Variants in GRID2 observed in about 807,000 individuals in gnomAD.
GRID2 encodes glutamate ionotropic receptor delta type subunit 2, also known as glutamate receptor ionotropic, delta-2.
A neutral mutation model predicts 114.8 loss-of-function variants in GRID2; 33 were observed. That is an observed-to-expected ratio of 0.29 (90% CI 0.22 to 0.38). The LOEUF is 0.38. GRID2 is among the 10% of genes least tolerant of loss of function. The pLI is 1.00. For missense variants in GRID2, 1,184 were observed against 1,257.7 expected, an observed-to-expected ratio of 0.94 and a Z score of 0.89; for synonymous variants, 505 against 449.9, an observed-to-expected ratio of 1.12 and a Z score of -1.55.
intron 4 of GRID2, among the ~76,000 whole-genome samples, chr4:93,126,584 CTTTTTTTTTTTTTTTTTTT>C (rs60017147): frequency 1.9e-5 from 1 of 52,734 alleles, no homozygotes; most frequent in African/African-American, 7.9e-5. Flanking sequence ...CTATTTAATT[CTTTTTTTTTTTTTTTTTTT>C]TTTTTTTTTT....
At chr4:93,481,488 A>G (rs1455335683) in intron 11 of GRID2, among the ~76,000 whole-genome samples, 1 of 152,054 alleles carries the variant, frequency 6.6e-6, no homozygotes, top group Non-Finnish European at 1.5e-5. Flanking sequence ...AGATATTAAA[A>G]TTTTACCTTA....
chr4:93,507,207 T>C (rs1728719084), intron 12 of GRID2, among the ~76,000 whole-genome samples: 1 of 152,160 alleles, frequency 6.6e-6, no homozygotes, highest in Non-Finnish European at 1.5e-5. Flanking sequence ...AGGAGTCCTT[T>C]TTATCCCACC....
rs141677578 is a variant in GRID2, at chr4:92,373,870, T to G, written c.88+69126T>G. Among the ~76,000 whole-genome samples the G allele has an allele frequency of 8.4e-4, 128 of 152,186 alleles. 1 individual carries two copies. Among genetic ancestry groups the G allele is most frequent in the African/African-American group, 2.9e-3 (120 of 41,550 alleles). ...TTTTATAAATGAGAAAATGAAGGAATAGGGAAATTAGGTGACATACAAAGG... is the reference window on the plus strand; with the variant it reads ...TTTTATAAATGAGAAAATGAAGGAAGAGGGAAATTAGGTGACATACAAAGG... On this transcript the variant is annotated intron_variant, in intron 1 of 15. Transcript: ENST00000282020.
intron 1 of GRID2, among the ~76,000 whole-genome samples, chr4:93,806,091 C>T (rs1250021302): frequency 2.0e-5 from 3 of 151,348 alleles, no homozygotes; most frequent in African/African-American, 7.3e-5. Flanking sequence ...AGCAAGACTC[C>T]AGAAAAATAA....
At chr4:93,355,199 A>G (rs1273525281) in intron 8 of GRID2, among the ~76,000 whole-genome samples, 1 of 151,658 alleles carries the variant, frequency 6.6e-6, no homozygotes, top group African/African-American at 2.4e-5. Context: ...CCACCCCAAC[A>G]CTTGGTGGTT....
At chr4:92,434,923 T>G (rs1274792582) in intron 1 of GRID2, among the ~76,000 whole-genome samples, 1 of 152,170 alleles carries the variant, frequency 6.6e-6, no homozygotes, top group Non-Finnish European at 1.5e-5. Flanking sequence ...GAAGATTACT[T>G]GCTGTCGTTG....
intron 8 of GRID2, among the ~76,000 whole-genome samples, chr4:93,386,211 C>T (rs999136783): frequency 3.3e-5 from 5 of 152,190 alleles, no homozygotes; most frequent in Non-Finnish European, 5.9e-5. Flanking sequence ...TAGAGCTACA[C>T]TGCCTGTGTT....
intron 2 of GRID2, among the ~76,000 whole-genome samples, chr4:92,837,978 G>A (rs1324525837): frequency 6.6e-6 from 1 of 151,944 alleles, no homozygotes; most frequent in Non-Finnish European, 1.5e-5. Context: ...CAGTAACCAA[G>A]CATTCAATTA....
intron 2 of GRID2, among the ~76,000 whole-genome samples, chr4:92,829,694 A>G (rs140948192): frequency 4.9e-4 from 75 of 152,282 alleles, no homozygotes; most frequent in African/African-American, 1.7e-3. Flanking sequence ...AATGCCCATC[A>G]ATGATAGACT....
Position 92,725,753 on chromosome 4 carries a change from T to A in GRID2, c.244+135467T>A, listed in dbSNP as rs942597467. On this transcript the variant is annotated intron_variant, in intron 2 of 15. Coordinates refer to ENST00000282020, the MANE Select transcript of GRID2 (RefSeq NM_001510.4). ...AAAGTGAGTTCATGACAAAGATAGC[T>A]GTGCTCAAATGCTGAAAGCTTTAAA... 2.0e-5 allele frequency among the ~76,000 whole-genome samples: 3 copies of A among 152,290 alleles called. No homozygotes were observed. The South Asian group carries it at 6.2e-4, about 32-fold the overall frequency.
At chr4:93,207,908 A>G (rs539690161) in intron 5 of GRID2, among the ~76,000 whole-genome samples, 1 of 152,112 alleles carries the variant, frequency 6.6e-6, no homozygotes, top group African/African-American at 2.4e-5. Context: ...CCCTTTTCAT[A>G]AGGAAGTACA....
At chr4:93,611,823 T>G (rs1248119848) in intron 13 of GRID2, among the ~76,000 whole-genome samples, 3 of 151,776 alleles carry the variant, frequency 2.0e-5, no homozygotes, top group Middle Eastern at 6.8e-3. Flanking sequence ...TGTAGATGTC[T>G]ATTAGGTCCC....
At chr4:92,530,799 C>T (rs1353024107) in intron 1 of GRID2, among the ~76,000 whole-genome samples, 1 of 150,444 alleles carries the variant, frequency 6.6e-6, no homozygotes, top group African/African-American at 2.4e-5. Context: ...CCCAACTACT[C>T]AGGAGGCTGA....
intron 14 of GRID2, among the ~76,000 whole-genome samples, chr4:93,638,256 T>C (rs1317512183): frequency 6.6e-6 from 1 of 151,794 alleles, no homozygotes; most frequent in Non-Finnish European, 1.5e-5. Flanking sequence ...AACATGTTTT[T>C]ATTTTGTATG....
intron 2 of GRID2, among the ~76,000 whole-genome samples, chr4:92,745,227 T>A (rs1578135312): frequency 6.6e-6 from 1 of 152,330 alleles, no homozygotes; most frequent in Middle Eastern, 3.4e-3. Flanking sequence ...AATGACAAAG[T>A]TAAGTGATAC....
At chr4:93,366,935 A>G (rs941975204) in intron 8 of GRID2, among the ~76,000 whole-genome samples, 2 of 151,912 alleles carry the variant, frequency 1.3e-5, no homozygotes, top group South Asian at 2.1e-4. Context: ...AAATATATAT[A>G]TATATTTAGA....
At chr4:93,588,914 A>G (rs1405484148) in intron 13 of GRID2, among the ~76,000 whole-genome samples, 2 of 152,124 alleles carry the variant, frequency 1.3e-5, no homozygotes, top group African/African-American at 2.4e-5. Context: ...ATTTTGCCCC[A>G]TCAAGTTCAA....
intron 14 of GRID2, among the ~76,000 whole-genome samples, chr4:93,765,949 A>G (rs1278283139): frequency 6.6e-6 from 1 of 152,178 alleles, no homozygotes; most frequent in African/African-American, 2.4e-5. Context: ...AAATGGATAG[A>G]TGAATAAAAC....
At position 93,209,654 on chromosome 4, in the gene GRID2, G is replaced by A. The variant is rs893098185; in HGVS notation, c.789+2197G>A. 2.0e-5 allele frequency among the ~76,000 whole-genome samples: 3 copies of A among 152,040 alleles called. No individual in the cohort carries two copies. The South Asian group carries it at 6.2e-4, about 32-fold the overall frequency. Reference sequence around the variant, plus strand: ...GGTGAAATGGTAGTTCTGCTTTTAGGTCTCTGAGGAAATCACCAAACTCTT... The same window carrying A: ...GGTGAAATGGTAGTTCTGCTTTTAGATCTCTGAGGAAATCACCAAACTCTT... On this transcript the variant is annotated intron_variant, in intron 5 of 15. Transcript: ENST00000282020.
Sources: allele counts gnomAD v4.1 joint callset (sites outside exome capture counted in the v4.1 genomes callset), GRCh38; gene constraint gnomAD v4.1.1; transcripts MANE v1.5; gene names NCBI Gene and HGNC (gene_info 2026-07-23, HGNC 2026-07-21).